Variants in RTL9 observed in about 807,000 individuals in gnomAD.
RTL9 encodes the protein retrotransposon Gag-like protein 9.
Under a neutral mutation model 44.7 loss-of-function variants are expected in RTL9, and 19 were observed. The observed-to-expected ratio is 0.42, with a 90% CI of 0.30 to 0.62. RTL9 has a LOEUF of 0.62. Ranked by LOEUF, RTL9 falls within the 20% of genes least tolerant of loss-of-function variation. RTL9 has a pLI of 0.16. For synonymous variants in RTL9, 407 were observed against 398.9 expected (o/e 1.02, Z -0.24); for missense variants, 1,105 against 1,080.6 (o/e 1.02, Z -0.32).
upstream of RTL9, among the ~76,000 whole-genome samples, chrX:110,418,549 A>G (rs901236505): frequency 1.7e-4 from 19 of 111,750 alleles, 1 homozygote; most frequent in African/African-American, 5.5e-4. Context: ...AACGAGAGGA[A>G]GGCCGGCAAG....
chrX:110,385,355 T>C (rs929124577), intron 1 of RTL9, among the ~76,000 whole-genome samples: 14 of 112,019 alleles, frequency 1.2e-4, no homozygotes, highest in Non-Finnish European at 2.6e-4. Flanking sequence ...TTCATCTATG[T>C]GAATTATATC....
exon 1 of RTL9, chrX:110,451,985 A>C (rs749103146): frequency 8.3e-7 from 1 of 1,212,119 alleles, no homozygotes; most frequent in Non-Finnish European, 1.1e-6. Flanking sequence ...AGCAAATGTC[A>C]GCCACAGCCT....
At chrX:110,414,105 G>T (rs141903198), upstream of RTL9, among the ~76,000 whole-genome samples, 726 of 111,704 alleles carry the variant, frequency 6.5e-3, 6 homozygotes, top group African/African-American at 0.023. Flanking sequence ...CTGCATCCAT[G>T]AGGCAAAATC....
At chrX:110,424,068 A>T (rs929270627) in intron 1 of RTL9, among the ~76,000 whole-genome samples, 5 of 111,763 alleles carry the variant, frequency 4.5e-5, no homozygotes, top group Non-Finnish European at 9.4e-5. Flanking sequence ...CCTCACCACA[A>T]AGCTATGAGG....
intron 1 of RTL9, among the ~76,000 whole-genome samples, chrX:110,374,813 G>A (rs1041749200): frequency 2.2e-4 from 24 of 110,788 alleles, no homozygotes; most frequent in African/African-American, 7.2e-4. Flanking sequence ...GTGGATATGT[G>A]GAGGGTGGGT....
chrX:110,412,214 C>A (rs868087650), intron 1 of RTL9, among the ~76,000 whole-genome samples: 1 of 112,566 alleles, frequency 8.9e-6, no homozygotes, highest in Non-Finnish European at 1.9e-5. Flanking sequence ...CTCATTCACT[C>A]TTGATGCACA....
chrX:110,374,425 T>C (rs2068361509), intron 1 of RTL9, among the ~76,000 whole-genome samples: 1 of 112,132 alleles, frequency 8.9e-6, no homozygotes, highest in Non-Finnish European at 1.9e-5. Flanking sequence ...TTTATTTTAG[T>C]ACAGCCTGAG....
intron 1 of RTL9, among the ~76,000 whole-genome samples, chrX:110,454,988 G>T (rs988649037): frequency 9.0e-6 from 1 of 111,570 alleles, no homozygotes; most frequent in African/African-American, 3.3e-5. Context: ...TAATAAATGG[G>T]TCTTTTGGGA....
intron 1 of RTL9, among the ~76,000 whole-genome samples, chrX:110,409,158 CG>C (rs1340926424): frequency 1.8e-5 from 2 of 110,233 alleles, no homozygotes; most frequent in Non-Finnish European, 1.9e-5. Flanking sequence ...TCAGCATAGT[CG>C]GGGTATATAA....
At chrX:110,363,539 T>C (rs1174747550) in intron 1 of RTL9, among the ~76,000 whole-genome samples, 1 of 111,657 alleles carries the variant, frequency 9.0e-6, no homozygotes, top group Non-Finnish European at 1.9e-5. Context: ...GCTGGGAAAG[T>C]CCATATAACT....
At chrX:110,401,310 TCC>T (rs1233498695) in intron 1 of RTL9, among the ~76,000 whole-genome samples, 2 of 111,033 alleles carry the variant, frequency 1.8e-5, no homozygotes, top group African/African-American at 6.6e-5. Flanking sequence ...GTCTTCAGAC[TCC>T]CAGTGTGTCT....
intron 1 of RTL9, among the ~76,000 whole-genome samples, chrX:110,440,458 C>A (rs2068872115): frequency 8.9e-6 from 1 of 111,869 alleles, no homozygotes; most frequent in Non-Finnish European, 1.9e-5. Context: ...GTAGGAGGAA[C>A]TCAAGCCATG....
intron 1 of RTL9, among the ~76,000 whole-genome samples, chrX:110,425,830 T>C (rs771154015): frequency 2.7e-5 from 3 of 112,829 alleles, no homozygotes; most frequent in Non-Finnish European, 5.6e-5. Flanking sequence ...TTAATTCCTA[T>C]ATTTAATGAA....
intron 1 of RTL9, among the ~76,000 whole-genome samples, chrX:110,422,263 C>T (rs1392794602): frequency 8.9e-6 from 1 of 112,912 alleles, no homozygotes; most frequent in Non-Finnish European, 1.9e-5. Flanking sequence ...AGTCAGATTA[C>T]CTGGCCCTCA....
At chrX:110,373,727 G>T (rs1054907422) in intron 1 of RTL9, among the ~76,000 whole-genome samples, 2 of 111,870 alleles carry the variant, frequency 1.8e-5, no homozygotes, top group Middle Eastern at 4.6e-3. Flanking sequence ...TATGTTTGAA[G>T]GTTTCAAGAT....
exon 1 of RTL9, chrX:110,452,425 G>T: frequency 5.0e-6 from 6 of 1,210,932 alleles, no homozygotes; most frequent in Non-Finnish European, 6.7e-6. Context: ...GTGATGTCCT[G>T]TCCACAAATG....
intron 1 of RTL9, among the ~76,000 whole-genome samples, chrX:110,366,876 T>C (rs773001824): frequency 8.9e-6 from 1 of 112,211 alleles, no homozygotes; most frequent in African/African-American, 3.2e-5. Context: ...ATCCATTCAT[T>C]CTTGAATGCT....
chrX:110,429,041 C>A (rs1200063796), intron 1 of RTL9, among the ~76,000 whole-genome samples: 1 of 111,809 alleles, frequency 8.9e-6, no homozygotes, highest in Non-Finnish European at 1.9e-5. Flanking sequence ...ATCTCTTCTA[C>A]CCCACTAGCC....
chrX:110,418,976 C>G (rs1180477992), upstream of RTL9: 1 of 109,749 alleles, frequency 9.1e-6, no homozygotes, highest in Non-Finnish European at 1.9e-5. Flanking sequence ...CTATGACTCA[C>G]CAACAAAAAC....
Sources: gnomAD v4.1 joint callset for allele counts (sites outside exome capture counted in the v4.1 genomes callset) on GRCh38, gnomAD v4.1.1 for gene constraint, MANE v1.5 for transcripts, NCBI Gene and HGNC (gene_info 2026-07-23, HGNC 2026-07-21) for gene names.